ZNF454: variants seen among roughly 807,000 people sequenced by gnomAD.
The protein encoded by ZNF454 is zinc finger protein 454.
Under a neutral mutation model 48.2 loss-of-function variants are expected in ZNF454, and 30 were observed. The ratio of observed to expected loss-of-function variants is 0.62; its 90% CI spans 0.47 to 0.84. The LOEUF (loss-of-function observed/expected upper bound fraction) is 0.84, where lower values mean the gene tolerates loss of function less well. Among genes scored for constraint, ZNF454 ranks in the 40% least tolerant of loss-of-function variants. ZNF454 has a pLI of 0.00. For synonymous variants in ZNF454, 204 were observed against 211.4 expected, an observed-to-expected ratio of 0.97 and a Z score of 0.30; for missense variants, 510 against 623.1, an observed-to-expected ratio of 0.82 and a Z score of 1.93.
At chr5:178,989,881 C>T in the ZNF454 span, 121,939 of 233,814 alleles carry the variant, frequency 0.52, 32,592 homozygotes, top group East Asian at 0.57. Context: ...GCTTTGAGAG[C>T]GCATTCACTC....
the ZNF454 span, among the ~76,000 whole-genome samples, chr5:178,975,892 C>T: frequency 6.6e-6 from 1 of 152,180 alleles, no homozygotes; most frequent in African/African-American, 2.4e-5. Flanking sequence ...TGAAGGCCTT[C>T]GGAGCAAAAC....
intron 4 of ZNF454, among the ~76,000 whole-genome samples, chr5:178,948,335 T>C (rs1255909022): frequency 6.6e-6 from 1 of 152,366 alleles, no homozygotes; most frequent in South Asian, 2.1e-4. Flanking sequence ...GCATTTTAAA[T>C]ATTTTATTCT....
At chr5:178,987,607 A>G in the ZNF454 span, 1 of 374,284 alleles carries the variant, frequency 2.7e-6, no homozygotes, top group Non-Finnish European at 5.3e-6. Flanking sequence ...CCGAGGGTAG[A>G]CAATTCATAG....
chr5:178,953,943 A>C (rs189480652), intron 4 of ZNF454, among the ~76,000 whole-genome samples: 5 of 152,284 alleles, frequency 3.3e-5, no homozygotes, highest in Admixed American at 3.3e-4. Flanking sequence ...TTGGCTGAGC[A>C]TTTAGTGAAA....
rs1759076895 is a variant in ZNF454 at position 178,941,315 on chromosome 5, C to G, written c.-237C>G. The G allele has an allele frequency of 2.2e-6, 1 of 448,140 alleles. No individual in the cohort carries two copies. Among genetic ancestry groups the G allele is most frequent in the Non-Finnish European group, 4.5e-6 (1 of 222,010 alleles). The allele number at this position is 448,140 out of a possible 1,614,324, so 27.8% of individuals were successfully genotyped here. A position where few individuals can be genotyped will look rare whatever the true frequency, so the allele number is the denominator to read the frequency against. On this transcript the variant is annotated 5_prime_UTR_variant, in exon 1 of 5. Transcript: ENST00000519564. The surrounding 1 kb of genome is among the most constrained non-coding windows in gnomAD (Gnocchi z 5.5). ...CACGGGGCTGACCAGGCACGGTGGT[C>G]AAAGCCGCAGAGGGAGAGCGGGAGC...
chr5:178,964,206 C>T (rs1049219369), intron 4 of ZNF454, among the ~76,000 whole-genome samples: 21 of 151,632 alleles, frequency 1.4e-4, no homozygotes, highest in South Asian at 1.0e-3. Flanking sequence ...CTGCAAGCTC[C>T]GCCTCCCGGG....
intron 4 of ZNF454, among the ~76,000 whole-genome samples, chr5:178,961,817 CA>C (rs58158882): frequency 0.13 from 16,879 of 125,564 alleles, 1,367 homozygotes; most frequent in African/African-American, 0.26. Context: ...GACTCTGTCT[CA>C]AAAAAAAAAA....
rs771104060 is a variant in ZNF454, at chr5:178,965,658, G to A, written c.1254G>A (p.Glu418=). 5 of 1,614,156 alleles carry A rather than the reference G, an allele frequency of 3.1e-6. No homozygotes were observed. In the South Asian group the frequency reaches 4.4e-5, roughly 14 times the overall value. Residue 418 remains glutamate (E), a synonymous_variant, in exon 5 of 5, where the codon GAG becomes GAA. Coordinates refer to ENST00000519564, the MANE Select transcript of ZNF454 (RefSeq NM_001178089.3). The surrounding 1 kb of genome is among the most constrained non-coding windows in gnomAD (Gnocchi z 5.2). ...GEKPYRCGLC[E]KAFRDQSALA... is the part of the protein sequence containing the mutation. ...AACCTTACAGATGTGGCTTGTGTGA[G>A]AAAGCCTTTCGGGACCAATCAGCAC...
rs769008385 is a variant in ZNF454, at chr5:178,946,480, C to T, written c.155C>T (p.Ser52Leu). Reference sequence around the variant, plus strand: ...CTGGAGAACTACAGCAACCTGGTCTCACTGGGTAAGTGGGACCCCTGCAAG... The same window carrying T: ...CTGGAGAACTACAGCAACCTGGTCTTACTGGGTAAGTGGGACCCCTGCAAG... The part of the protein sequence containing the change: ...VMLENYSNLV[S>L]LGLLGPKPDT... The change falls in exon 3 of 5, where the codon TCA becomes TTA. Residue 52 changes from serine (S) to leucine (L), a missense_variant. Coordinates refer to ENST00000519564, the MANE Select transcript of ZNF454 (RefSeq NM_001178089.3). The surrounding 1 kb of genome is among the most constrained non-coding windows in gnomAD (Gnocchi z 4.5). The T allele has an allele frequency of 1.0e-5, 16 of 1,597,174 alleles. No individual in the cohort carries two copies. The highest frequency in any genetic ancestry group is 1.4e-5 in the Non-Finnish European group (16 of 1,175,276).
chr5:178,943,564 G>A (rs951420921), intron 2 of ZNF454, among the ~76,000 whole-genome samples: 4 of 152,156 alleles, frequency 2.6e-5, no homozygotes, highest in African/African-American at 9.7e-5. Context: ...CTCACACAGA[G>A]CTCAAAGAAG....
At chr5:178,985,239 A>G in the ZNF454 span, 600 of 456,300 alleles carry the variant, frequency 1.3e-3, 2 homozygotes, top group Admixed American at 1.9e-3. Flanking sequence ...ATTGTAGAAG[A>G]GCATTTTGGT....
chr5:178,976,188 C>G, the ZNF454 span: 2 of 426,224 alleles, frequency 4.7e-6, no homozygotes, highest in South Asian at 3.3e-5. Flanking sequence ...CTGGATTGCC[C>G]TATTCAAAAT....
chr5:178,981,630 C>G, the ZNF454 span: 1 of 1,563,974 alleles, frequency 6.4e-7, no homozygotes, highest in African/African-American at 1.4e-5. This position sits in a 1 kb window ranked among gnomAD's most constrained non-coding sequence, Gnocchi z 5.1. Context: ...GGAGAGGCAG[C>G]AAGCAGTCCC....
At chr5:178,955,910 C>T (rs1056529070) in intron 4 of ZNF454, among the ~76,000 whole-genome samples, 2 of 152,136 alleles carry the variant, frequency 1.3e-5, no homozygotes, top group African/African-American at 4.8e-5. Flanking sequence ...TCTCTGTGCC[C>T]TCAATTTATT....
chr5:178,989,457 T>G, the ZNF454 span: 1 of 1,611,840 alleles, frequency 6.2e-7, no homozygotes, highest in South Asian at 1.1e-5. Flanking sequence ...CCAGCTGTGT[T>G]TCTCCTGTGT....
intron 4 of ZNF454, among the ~76,000 whole-genome samples, chr5:178,957,086 G>A (rs916825474): frequency 1.2e-4 from 19 of 152,078 alleles, no homozygotes; most frequent in Non-Finnish European, 2.6e-4. Flanking sequence ...GTTTCACCAT[G>A]TTGGCCAGGG....
At chr5:178,981,592 G>A in the ZNF454 span, 1 of 1,292,992 alleles carries the variant, frequency 7.7e-7, no homozygotes. This position sits in a 1 kb window ranked among gnomAD's most constrained non-coding sequence, Gnocchi z 5.1. Context: ...GCTCTATACA[G>A]CTTCCACCTC....
chr5:178,961,780 T>C (rs796429707), intron 4 of ZNF454, among the ~76,000 whole-genome samples: 6 of 149,314 alleles, frequency 4.0e-5, no homozygotes, highest in African/African-American at 1.5e-4. Flanking sequence ...AGATCACCAC[T>C]GCACTCCAGC....
chr5:178,985,459 T>G, the ZNF454 span, among the ~76,000 whole-genome samples: 2 of 150,532 alleles, frequency 1.3e-5, no homozygotes, highest in Middle Eastern at 3.3e-3. Context: ...ATCCCAGCAC[T>G]TTGGGAGGCC....
Sources: gnomAD v4.1 joint callset for allele counts (sites outside exome capture counted in the v4.1 genomes callset) on GRCh38, gnomAD v4.1.1 for gene constraint, Gnocchi (gnomAD v3.1) non-coding constraint, MANE v1.5 for transcripts, NCBI Gene and HGNC (gene_info 2026-07-23, HGNC 2026-07-21) for gene names.